The following GRID2 variants were observed in gnomAD, a reference collection of about 807,000 sequenced individuals.
The protein encoded by GRID2 is glutamate receptor ionotropic, delta-2.
GRID2 carries 33 observed loss-of-function variants against 114.8 expected under a neutral mutation model. The ratio of observed to expected loss-of-function variants is 0.29; its 90% CI spans 0.22 to 0.38. GRID2 has a LOEUF of 0.38. GRID2 is among the 10% of genes least tolerant of loss of function. The pLI, the probability that GRID2 is intolerant of heterozygous loss-of-function variation, is 1.00. For missense variants in GRID2, 1,184 were observed against 1,257.7 expected, an observed-to-expected ratio of 0.94 and a Z score of 0.89; for synonymous variants, 505 against 449.9, an observed-to-expected ratio of 1.12 and a Z score of -1.55.
rs527711421 is a variant in GRID2 at position 93,342,661 on chromosome 4, A to G, written c.1246-52946A>G. Among the ~76,000 whole-genome samples the G allele has an allele frequency of 3.4e-4, 52 of 152,338 alleles. No homozygotes were observed. In the South Asian group the frequency reaches 8.1e-3, roughly 24 times the overall value. ...ACTAAAATGAATGATTTGTATATAAAACCTAGTATTAAAATGAATTTTATT... is the reference window on the plus strand; with the variant it reads ...ACTAAAATGAATGATTTGTATATAAGACCTAGTATTAAAATGAATTTTATT... On this transcript the variant is annotated intron_variant, in intron 8 of 15. Coordinates refer to ENST00000282020, the MANE Select transcript of GRID2 (RefSeq NM_001510.4).
Position 92,556,136 on chromosome 4 carries a change from G to A in GRID2, c.89-33995G>A, listed in dbSNP as rs1726838939. On this transcript the variant is annotated intron_variant, in intron 1 of 15. Transcript: ENST00000282020. ...CCTAAGGTGAGAAGGAGGGCCACTA[G>A]CATAAAAACAACTTGAACAGAACTT... is the stretch of plus-strand genomic sequence containing the variant. Among the ~76,000 whole-genome samples, 3 of 152,210 alleles carry A rather than the reference G, an allele frequency of 2.0e-5. No homozygotes were observed. In the South Asian group the frequency reaches 6.2e-4, roughly 32 times the overall value.
intron 2 of GRID2, among the ~76,000 whole-genome samples, chr4:92,672,951 A>G (rs1220996931): frequency 6.6e-6 from 1 of 152,098 alleles, no homozygotes; most frequent in Non-Finnish European, 1.5e-5. Context: ...AAGCCCATTA[A>G]CCACACTTTA....
chr4:93,492,545 G>A (rs1353965784), intron 12 of GRID2, among the ~76,000 whole-genome samples: 4 of 151,682 alleles, frequency 2.6e-5, no homozygotes, highest in African/African-American at 9.7e-5. Context: ...GGATGTAAAG[G>A]ATGAAATTCT....
chr4:93,004,750 ACT>A (rs1721333041), intron 2 of GRID2, among the ~76,000 whole-genome samples: 1 of 151,874 alleles, frequency 6.6e-6, no homozygotes, highest in African/African-American at 2.4e-5. Context: ...TCTTCAGCCA[ACT>A]CTAGTCCACT....
At chr4:92,394,760 A>T (rs1429124428) in intron 1 of GRID2, among the ~76,000 whole-genome samples, 2 of 151,924 alleles carry the variant, frequency 1.3e-5, no homozygotes, top group Non-Finnish European at 2.9e-5. Context: ...TTTGATGTGA[A>T]ATAATTACTA....
intron 14 of GRID2, among the ~76,000 whole-genome samples, chr4:93,735,998 A>C (rs1318671289): frequency 6.6e-6 from 1 of 152,028 alleles, no homozygotes; most frequent in Non-Finnish European, 1.5e-5. Context: ...ACTGGGAAAG[A>C]GGAAAGGAGG....
In GRID2 at chr4:93,062,825, G is replaced by T. The variant is rs72885769; in HGVS notation, c.245-22170G>T. Among the ~76,000 whole-genome samples, 1,280 of 152,054 alleles carry T rather than the reference G, an allele frequency of 8.4e-3. 26 individuals carry two copies. The highest frequency in any genetic ancestry group is 0.029 in the African/African-American group (1,214 of 41,534). Reference sequence around the variant, plus strand: ...GAAAGGAGGCAGTTTCCATGTCAGTGCCACTTACTAAAATAGTATAAGAAT... The same window carrying T: ...GAAAGGAGGCAGTTTCCATGTCAGTTCCACTTACTAAAATAGTATAAGAAT... On this transcript the variant is annotated intron_variant, in intron 2 of 15. Transcript: ENST00000282020.
chr4:93,479,995 TA>T (rs1298108487), intron 11 of GRID2, among the ~76,000 whole-genome samples: 1 of 152,104 alleles, frequency 6.6e-6, no homozygotes, highest in Admixed American at 6.6e-5. Context: ...GTATAAGATA[TA>T]AAAAACTAAC....
At chr4:93,728,285 C>G (rs1240088594) in intron 14 of GRID2, among the ~76,000 whole-genome samples, 1 of 152,138 alleles carries the variant, frequency 6.6e-6, no homozygotes, top group South Asian at 2.1e-4. Flanking sequence ...TTTCCATGTA[C>G]TTGAGCAATT....
intron 13 of GRID2, among the ~76,000 whole-genome samples, chr4:93,561,231 C>T (rs978755666): frequency 8.6e-5 from 13 of 151,854 alleles, no homozygotes; most frequent in South Asian, 2.1e-4. Context: ...TCCATTTATA[C>T]GTAAGTTTGA....
intron 13 of GRID2, among the ~76,000 whole-genome samples, chr4:93,543,880 T>C (rs915498628): frequency 1.3e-5 from 2 of 152,168 alleles, no homozygotes; most frequent in African/African-American, 4.8e-5. Flanking sequence ...GAGAACAAGT[T>C]GTGCAGATGC....
chr4:92,364,311 T>A (rs1728752208), intron 1 of GRID2, among the ~76,000 whole-genome samples: 2 of 152,036 alleles, frequency 1.3e-5, no homozygotes, highest in African/African-American at 4.8e-5. Flanking sequence ...TATGCAAAGT[T>A]GAGTGAGTTC....
intron 3 of GRID2, among the ~76,000 whole-genome samples, chr4:93,098,341 T>G (rs1348489121): frequency 6.6e-6 from 1 of 151,936 alleles, no homozygotes; most frequent in Non-Finnish European, 1.5e-5. Context: ...ACAGGTGGAT[T>G]ATGGTATTGA....
chr4:93,268,819 C>T (rs1320931010), intron 8 of GRID2, among the ~76,000 whole-genome samples: 2 of 152,122 alleles, frequency 1.3e-5, no homozygotes, highest in African/African-American at 4.8e-5. Context: ...CATCTATCTT[C>T]TCGGAGAGCT....
At chr4:93,784,678 C>T (rs942699677) in intron 1 of GRID2, among the ~76,000 whole-genome samples, 3 of 118,210 alleles carry the variant, frequency 2.5e-5, no homozygotes, top group East Asian at 3.1e-4. Context: ...ACACACACCA[C>T]GGTATCGCAG....
In GRID2 at chr4:92,818,153, C is replaced by T. The variant is rs751197688; in HGVS notation, c.244+227867C>T. On this transcript the variant is annotated intron_variant, in intron 2 of 15. Coordinates refer to ENST00000282020, the MANE Select transcript of GRID2 (RefSeq NM_001510.4). ...ACATTATCTCAGGTGTCACACTAAA[C>T]TTCAACTGTGAACTTTATGTCTGTT... 6.1e-4 allele frequency among the ~76,000 whole-genome samples: 93 copies of T among 152,220 alleles called. 1 individual carries two copies. Among genetic ancestry groups the T allele is most frequent in the Middle Eastern group, 3.4e-3 (1 of 294 alleles).
chr4:92,642,514 G>A (rs547661211), intron 2 of GRID2, among the ~76,000 whole-genome samples: 5 of 151,782 alleles, frequency 3.3e-5, no homozygotes, highest in Admixed American at 6.6e-5. Flanking sequence ...TGAGTTCTTC[G>A]TTGATTCCGG....
At chr4:92,573,557 A>G (rs1436145206) in intron 1 of GRID2, among the ~76,000 whole-genome samples, 2 of 152,074 alleles carry the variant, frequency 1.3e-5, no homozygotes, top group Non-Finnish European at 2.9e-5. Context: ...TTCTACCTTA[A>G]TTTCATTATT....
chr4:93,113,745 A>C (rs1732988029), intron 4 of GRID2, among the ~76,000 whole-genome samples: 1 of 152,218 alleles, frequency 6.6e-6, no homozygotes, highest in African/African-American at 2.4e-5. Context: ...GTATACAGTC[A>C]TGAAATGTTG....
Sources: allele counts gnomAD v4.1 joint callset (sites outside exome capture counted in the v4.1 genomes callset), GRCh38; gene constraint gnomAD v4.1.1; transcripts MANE v1.5; gene names NCBI Gene and HGNC (gene_info 2026-07-23, HGNC 2026-07-21).